Variants in CLVS1 observed in about 807,000 individuals in gnomAD.
CLVS1 encodes clavesin 1.
In CLVS1, 10 loss-of-function variants were observed where a neutral mutation model predicts 33.1. That is an observed-to-expected ratio of 0.30 (90% CI 0.19 to 0.51). The LOEUF is 0.51. CLVS1 is among the 20% of genes least tolerant of loss of function. The pLI is 0.97. For synonymous variants in CLVS1, 163 were observed against 166.1 expected, an observed-to-expected ratio of 0.98 and a Z score of 0.14; for missense variants, 343 against 433.4, an observed-to-expected ratio of 0.79 and a Z score of 1.85.
intron 5 of CLVS1, among the ~76,000 whole-genome samples, chr8:61,487,051 A>G (rs1015314331): frequency 6.6e-6 from 1 of 152,176 alleles, no homozygotes; most frequent in African/African-American, 2.4e-5. Context: ...TAATGAGCAT[A>G]CAAAGCACCG....
chr8:61,396,770 C>A (rs531766848), intron 3 of CLVS1, among the ~76,000 whole-genome samples: 3 of 152,164 alleles, frequency 2.0e-5, no homozygotes, highest in Non-Finnish European at 4.4e-5. Context: ...CTGGACATTT[C>A]GCATAAATGG....
At chr8:61,342,637 G>A (rs1232060502) in intron 2 of CLVS1, among the ~76,000 whole-genome samples, 1 of 152,158 alleles carries the variant, frequency 6.6e-6, no homozygotes, top group Admixed American at 6.5e-5. Context: ...AAAAACATGA[G>A]CGATATTTAT....
chr8:61,074,444 A>G (rs915058329), intron 1 of CLVS1, among the ~76,000 whole-genome samples: 10 of 143,298 alleles, frequency 7.0e-5, no homozygotes, highest in Admixed American at 6.4e-4. Flanking sequence ...TTATATATAT[A>G]TAAGTATATG....
the CLVS1 span, among the ~76,000 whole-genome samples, chr8:61,037,347 C>T: frequency 2.6e-5 from 4 of 152,110 alleles, no homozygotes. Flanking sequence ...ATCAATTTGA[C>T]CGCTCCAGGT....
intron 2 of CLVS1, among the ~76,000 whole-genome samples, chr8:61,353,929 G>A (rs1812579768): frequency 6.6e-6 from 1 of 151,784 alleles, no homozygotes; most frequent in Admixed American, 6.6e-5. Context: ...CTACAGCCAT[G>A]AAAAGGAAAA....
intron 2 of CLVS1, among the ~76,000 whole-genome samples, chr8:61,315,399 G>A (rs773509527): frequency 2.0e-5 from 3 of 152,014 alleles, no homozygotes; most frequent in Admixed American, 1.3e-4. Flanking sequence ...TTACTCTAAG[G>A]TAGTGAAAAT....
At chr8:61,266,629 A>C (rs1438306079) in intron 2 of CLVS1, among the ~76,000 whole-genome samples, 1 of 152,158 alleles carries the variant, frequency 6.6e-6, no homozygotes, top group Non-Finnish European at 1.5e-5. Flanking sequence ...TCCTTCCTGT[A>C]AAAGAAAAGC....
intron 1 of CLVS1, among the ~76,000 whole-genome samples, chr8:61,078,358 CTACT>C (rs1804963337): frequency 6.6e-6 from 1 of 152,150 alleles, no homozygotes; most frequent in Non-Finnish European, 1.5e-5. Flanking sequence ...GGACACCTGG[CTACT>C]TAGAGTGTGT....
intron 2 of CLVS1, among the ~76,000 whole-genome samples, chr8:61,162,003 AAACG>A (rs1231193282): frequency 4.0e-4 from 61 of 151,594 alleles, no homozygotes; most frequent in Non-Finnish European, 6.4e-4. Context: ...CAAAAAAAAA[AAACG>A]TAGTGTTGAT....
intron 2 of CLVS1, among the ~76,000 whole-genome samples, chr8:61,237,568 C>G (rs1339414391): frequency 2.6e-5 from 4 of 152,188 alleles, no homozygotes; most frequent in Non-Finnish European, 5.9e-5. Flanking sequence ...AATTACTAAC[C>G]TAAGAGCTGA....
intron 3 of CLVS1, among the ~76,000 whole-genome samples, chr8:61,446,503 T>G (rs1816762011): frequency 6.6e-6 from 1 of 152,204 alleles, no homozygotes; most frequent in South Asian, 2.1e-4. Flanking sequence ...TGGTGGGGAC[T>G]ATGTAACATC....
chr8:61,438,623 G>T (rs1816431419), intron 3 of CLVS1, among the ~76,000 whole-genome samples: 1 of 152,116 alleles, frequency 6.6e-6, no homozygotes, highest in Admixed American at 6.6e-5. Context: ...CACAATGGTT[G>T]AACTAATTTA....
At chr8:61,013,059 T>A in the CLVS1 span, among the ~76,000 whole-genome samples, 2 of 152,162 alleles carry the variant, frequency 1.3e-5, no homozygotes, top group Non-Finnish European at 2.9e-5. Flanking sequence ...GAGGCCCTCC[T>A]GCTACCAACA....
At chr8:61,169,125 C>G (rs1806941770) in intron 2 of CLVS1, among the ~76,000 whole-genome samples, 1 of 152,164 alleles carries the variant, frequency 6.6e-6, no homozygotes, top group African/African-American at 2.4e-5. Context: ...AACTCAAATT[C>G]TGTCTCTCCA....
chr8:61,139,585 C>T (rs986237959), intron 2 of CLVS1, among the ~76,000 whole-genome samples: 2 of 152,006 alleles, frequency 1.3e-5, no homozygotes, highest in East Asian at 3.9e-4. Flanking sequence ...ACCCAGGGCC[C>T]GTGCAGAAGG....
chr8:61,147,044 A>G lies in CLVS1; in HGVS notation c.-152+15184A>G, dbSNP rs188753844. ...GCCAAATCGAGCAGATCAGGGCAAT[A>G]GCAACCCTTGACAAAGAGCAGCTGA... On this transcript the variant is annotated intron_variant, in intron 2 of 2. Transcript: ENST00000522621. 5.2e-3 allele frequency among the ~76,000 whole-genome samples: 792 copies of G among 152,336 alleles called. 11 individuals carry two copies. Among genetic ancestry groups the G allele is most frequent in the African/African-American group, 0.018 (755 of 41,580 alleles).
intron 1 of CLVS1, among the ~76,000 whole-genome samples, chr8:61,080,627 G>A (rs1452850050): frequency 1.3e-5 from 2 of 152,190 alleles, no homozygotes; most frequent in African/African-American, 4.8e-5. Flanking sequence ...CTTGCTTTTG[G>A]TTAAATTAAA....
intron 1 of CLVS1, among the ~76,000 whole-genome samples, chr8:61,129,636 T>C (rs1446981415): frequency 6.6e-6 from 1 of 152,166 alleles, no homozygotes; most frequent in African/African-American, 2.4e-5. Context: ...ACTTTCTGGT[T>C]CATAGATGGT....
At chr8:61,307,550 A>C in intron 2 of CLVS1, among the ~76,000 whole-genome samples, 1 of 152,226 alleles carries the variant, frequency 6.6e-6, no homozygotes, top group East Asian at 1.9e-4. Flanking sequence ...CAAGAAACTC[A>C]GTAATTAAAT....
Sources: allele counts gnomAD v4.1 joint callset (sites outside exome capture counted in the v4.1 genomes callset), GRCh38; gene constraint gnomAD v4.1.1; transcripts MANE v1.5; gene names NCBI Gene and HGNC (gene_info 2026-07-23, HGNC 2026-07-21).